The following BMPR1A variants were observed in gnomAD, a reference collection of about 807,000 sequenced individuals.
The protein encoded by BMPR1A is bone morphogenetic protein receptor type 1A, also known as bone morphogenetic protein receptor type-1A.
A neutral mutation model predicts 66.0 loss-of-function variants in BMPR1A; 7 were observed. The ratio of observed to expected loss-of-function variants is 0.11; its 90% CI spans 0.06 to 0.20. The LOEUF is 0.20. Among genes scored for constraint, BMPR1A ranks in the 10% least tolerant of loss-of-function variants. The probability of loss-of-function intolerance (pLI) is 1.00; values close to 1 mark genes in which losing one functional copy is unlikely to be tolerated. For missense variants in BMPR1A, 408 were observed against 669.1 expected (o/e 0.61, Z 4.31); for synonymous variants, 200 against 229.7 (o/e 0.87, Z 1.17).
chr10:86,756,087 A>C (rs1033938250), upstream of BMPR1A: 1 of 152,278 alleles, frequency 6.6e-6, no homozygotes, highest in East Asian at 1.9e-4. Flanking sequence ...ACGCCAGCTG[A>C]CTGGCGTTCA....
chr10:86,828,444 A>C (rs571684420), intron 1 of BMPR1A, among the ~76,000 whole-genome samples: 1 of 152,320 alleles, frequency 6.6e-6, no homozygotes, highest in South Asian at 2.1e-4. Flanking sequence ...TAAGCCAGTA[A>C]GTAAAAAACC....
rs1178182645 is a variant in BMPR1A at position 86,793,104 on chromosome 10, A to AC, written c.-268+36191dup. ...ATCCTCCTGATCTATACCCCCCCCC[A>AC]CCCCCCGCCACCCCACACACACATG... On this transcript the variant is annotated intron_variant, in intron 1 of 12. Transcript: ENST00000372037. Among the ~76,000 whole-genome samples, 9 of 58,418 alleles carry AC rather than the reference A, an allele frequency of 1.5e-4. No homozygotes were observed. The East Asian group carries it at 1.8e-3, about 12-fold the overall frequency. 38.3% of individuals were successfully genotyped at this position (58,418 alleles called of 152,430 possible). A position where few individuals can be genotyped will look rare whatever the true frequency, so the allele number is the denominator to read the frequency against.
chr10:86,757,310 G>A (rs1847889330), intron 1 of BMPR1A, among the ~76,000 whole-genome samples: 1 of 152,122 alleles, frequency 6.6e-6, no homozygotes, highest in Non-Finnish European at 1.5e-5. Context: ...AGGAACAGGG[G>A]AGAACAAAAT....
At chr10:86,781,549 G>T (rs377681406) in intron 1 of BMPR1A, among the ~76,000 whole-genome samples, 2 of 152,172 alleles carry the variant, frequency 1.3e-5, no homozygotes, top group African/African-American at 4.8e-5. Flanking sequence ...TTGTTTTTCC[G>T]TGAAGAATGT....
chr10:86,825,154 A>C (rs1042161746), intron 1 of BMPR1A, among the ~76,000 whole-genome samples: 1 of 149,272 alleles, frequency 6.7e-6, no homozygotes, highest in Non-Finnish European at 1.5e-5. Flanking sequence ...CCTAGGCTGG[A>C]GTGCAATGGC....
At chr10:86,820,338 C>A (rs971915108) in intron 1 of BMPR1A, among the ~76,000 whole-genome samples, 14 of 151,988 alleles carry the variant, frequency 9.2e-5, no homozygotes, top group Non-Finnish European at 4.4e-5. Context: ...CCACTGCACC[C>A]AGAATCACCT....
intron 2 of BMPR1A, among the ~76,000 whole-genome samples, chr10:86,866,399 C>CTTTTTTTTTTTTTTTTTT (rs1048293127): frequency 1.4e-5 from 1 of 69,476 alleles, no homozygotes; most frequent in Non-Finnish European, 2.9e-5. Flanking sequence ...AAGTTTCTTT[C>CTTTTTTTTTTTTTTTTTT]TTTTTTTTTT....
chr10:86,813,106 A>T (rs1294454465), intron 1 of BMPR1A, among the ~76,000 whole-genome samples: 2 of 152,096 alleles, frequency 1.3e-5, no homozygotes, highest in African/African-American at 4.8e-5. Context: ...TCTGAAGGTG[A>T]TTTTCTTTCC....
chr10:86,770,977 A>G (rs1469469650), intron 1 of BMPR1A, among the ~76,000 whole-genome samples: 1 of 152,134 alleles, frequency 6.6e-6, no homozygotes, highest in Non-Finnish European at 1.5e-5. Context: ...ACCAAATCCC[A>G]TTCTCTTTTT....
intron 1 of BMPR1A, among the ~76,000 whole-genome samples, chr10:86,795,731 C>G (rs1841698741): frequency 6.6e-6 from 1 of 152,034 alleles, no homozygotes; most frequent in South Asian, 2.1e-4. Flanking sequence ...AAAGTTGCTA[C>G]TTATTTTTTT....
intron 5 of BMPR1A, among the ~76,000 whole-genome samples, chr10:86,894,216 T>C (rs1475944083): frequency 6.6e-6 from 1 of 152,268 alleles, no homozygotes; most frequent in Non-Finnish European, 1.5e-5. Flanking sequence ...CCATTGAGCC[T>C]TCTGTCCGCT....
rs1329593794 is a variant in BMPR1A, at chr10:86,906,475, T to TTTGG, written c.531-5764_531-5761dup. On this transcript the variant is annotated intron_variant, in intron 7 of 12. Coordinates refer to ENST00000372037, the MANE Select transcript of BMPR1A (RefSeq NM_004329.3). ...TGGCTCACGCCTGTAATCCCAGCAC[T>TTTGG]TTGGGAGGCCGAGGCGGGCGGATCA... Among the ~76,000 whole-genome samples the TTTGG allele has an allele frequency of 7.5e-5, 3 of 40,018 alleles. 1 individual carries two copies. The highest frequency in any genetic ancestry group is 1.1e-4 in the Non-Finnish European group (3 of 26,226). 26.3% of individuals were successfully genotyped at this position (40,018 alleles called of 152,430 possible). A position where few individuals can be genotyped will look rare whatever the true frequency, so the allele number is the denominator to read the frequency against.
chr10:86,868,594 G>T (rs11202239), intron 2 of BMPR1A, among the ~76,000 whole-genome samples: 19,355 of 152,232 alleles, frequency 0.13, 1,564 homozygotes, highest in African/African-American at 0.21. Context: ...TGGCGGGGAG[G>T]GACCCCTGGA....
At chr10:86,931,298 C>CACATATAT, downstream of BMPR1A, 9 of 90,920 alleles carry the variant, frequency 9.9e-5, no homozygotes, top group East Asian at 1.8e-3. Context: ...CACACACACA[C>CACATATAT]ATATATATAT....
intron 2 of BMPR1A, among the ~76,000 whole-genome samples, chr10:86,847,999 T>G (rs545303382): frequency 6.6e-6 from 1 of 152,190 alleles, no homozygotes; most frequent in African/African-American, 2.4e-5. Flanking sequence ...TGGTGCCATC[T>G]TGGCTCACTG....
At chr10:86,890,617 A>G (rs371513976) in intron 4 of BMPR1A, among the ~76,000 whole-genome samples, 1 of 151,998 alleles carries the variant, frequency 6.6e-6, no homozygotes, top group Non-Finnish European at 1.5e-5. Flanking sequence ...TTTTTTAACT[A>G]TAGACAGGAT....
At chr10:86,793,657 G>GT (rs1262920015) in intron 1 of BMPR1A, among the ~76,000 whole-genome samples, 2 of 152,174 alleles carry the variant, frequency 1.3e-5, no homozygotes, top group African/African-American at 2.4e-5. Context: ...CTGACAGATA[G>GT]TTTTTTTAGA....
chr10:86,873,938 A>G (rs2133307781), intron 2 of BMPR1A, among the ~76,000 whole-genome samples: 1 of 152,326 alleles, frequency 6.6e-6, no homozygotes, highest in Non-Finnish European at 1.5e-5. Flanking sequence ...TGTAAATGAT[A>G]CCTCACTGTA....
intron 3 of BMPR1A, among the ~76,000 whole-genome samples, chr10:86,879,617 A>G (rs796829769): frequency 6.6e-6 from 1 of 152,302 alleles, no homozygotes; most frequent in African/African-American, 2.4e-5. Flanking sequence ...TCATGTTGCT[A>G]TGAAATTTTC....
Sources: gnomAD v4.1 joint callset for allele counts (sites outside exome capture counted in the v4.1 genomes callset) on GRCh38, gnomAD v4.1.1 for gene constraint, MANE v1.5 for transcripts, NCBI Gene and HGNC (gene_info 2026-07-23, HGNC 2026-07-21) for gene names.